GRID2: variants seen among roughly 807,000 people sequenced by gnomAD.
GRID2 encodes the protein glutamate ionotropic receptor delta type subunit 2.
In GRID2, 33 loss-of-function variants were observed where a neutral mutation model predicts 114.8. That is an observed-to-expected ratio of 0.29 (90% CI 0.22 to 0.38). The LOEUF is 0.38. Ranked by LOEUF, GRID2 falls within the 10% of genes least tolerant of loss-of-function variation. The pLI is 1.00. For synonymous variants in GRID2, 505 were observed against 449.9 expected, an observed-to-expected ratio of 1.12 and a Z score of -1.55; for missense variants, 1,184 against 1,257.7, an observed-to-expected ratio of 0.94 and a Z score of 0.89.
chr4:93,453,546 C>A (rs1375805527), intron 10 of GRID2, among the ~76,000 whole-genome samples: 3 of 151,988 alleles, frequency 2.0e-5, no homozygotes, highest in Non-Finnish European at 1.5e-5. Flanking sequence ...TACAAATAAT[C>A]AGCTCCCTTT....
chr4:92,949,934 C>T (rs1418324769), intron 2 of GRID2, among the ~76,000 whole-genome samples: 1 of 152,072 alleles, frequency 6.6e-6, no homozygotes, highest in Non-Finnish European at 1.5e-5. Context: ...TTGGCCATCT[C>T]CTCTCAGCTA....
chr4:93,524,288 A>G (rs1210503865), intron 13 of GRID2, among the ~76,000 whole-genome samples: 1 of 152,070 alleles, frequency 6.6e-6, no homozygotes, highest in Non-Finnish European at 1.5e-5. Flanking sequence ...CCTTTTGCCA[A>G]ATGATTCCAA....
chr4:92,797,359 T>C (rs1159869774), intron 2 of GRID2, among the ~76,000 whole-genome samples: 1 of 152,012 alleles, frequency 6.6e-6, no homozygotes, highest in Non-Finnish European at 1.5e-5. Flanking sequence ...AGACTTGAGC[T>C]CATTGCAATA....
At chr4:93,005,019 G>T (rs945274319) in intron 2 of GRID2, among the ~76,000 whole-genome samples, 2 of 151,818 alleles carry the variant, frequency 1.3e-5, no homozygotes, top group Admixed American at 6.6e-5. Context: ...AGCCTTTAGG[G>T]CACTCACTGC....
In GRID2 at chr4:92,660,696, C is replaced by T. The variant is rs72882165; in HGVS notation, c.244+70410C>T. Reference sequence around the variant, plus strand: ...ATTTTTTTCTTCAACTTTATATCACCTCATACTTATATATAAATACATTCA... The same window carrying T: ...ATTTTTTTCTTCAACTTTATATCACTTCATACTTATATATAAATACATTCA... On this transcript the variant is annotated intron_variant, in intron 2 of 15. Transcript: ENST00000282020. Among the ~76,000 whole-genome samples the T allele has an allele frequency of 7.7e-3, 1,159 of 151,214 alleles. 16 individuals are homozygous for T. The highest frequency in any genetic ancestry group is 0.026 in the African/African-American group (1,090 of 41,438).
intron 9 of GRID2, among the ~76,000 whole-genome samples, chr4:93,411,703 A>G (rs1426269414): frequency 6.6e-6 from 1 of 152,086 alleles, no homozygotes; most frequent in Non-Finnish European, 1.5e-5. Flanking sequence ...AAGTGCTGGG[A>G]TTACAGGCAT....
At chr4:93,028,869 A>T (rs1032498509) in intron 2 of GRID2, among the ~76,000 whole-genome samples, 1 of 152,116 alleles carries the variant, frequency 6.6e-6, no homozygotes, top group Non-Finnish European at 1.5e-5. Context: ...TACTTTAAAA[A>T]GTGTGACTTA....
chr4:93,616,826 A>G (rs1259663141), intron 13 of GRID2, among the ~76,000 whole-genome samples: 2 of 151,462 alleles, frequency 1.3e-5, no homozygotes, highest in Non-Finnish European at 2.9e-5. Flanking sequence ...CCCCATCTCT[A>G]CTAAACAAAA....
intron 8 of GRID2, among the ~76,000 whole-genome samples, chr4:93,300,785 G>A (rs986371965): frequency 4.6e-5 from 7 of 152,118 alleles, no homozygotes; most frequent in Non-Finnish European, 8.8e-5. Context: ...TGCACAATTT[G>A]TGCCCCTTTT....
At chr4:93,677,061 G>A (rs1328317361) in intron 14 of GRID2, among the ~76,000 whole-genome samples, 1 of 152,108 alleles carries the variant, frequency 6.6e-6, no homozygotes, top group Non-Finnish European at 1.5e-5. Context: ...TGGAAAATCG[G>A]GTCACTCCCA....
At chr4:92,950,668 G>T (rs1340337484) in intron 2 of GRID2, among the ~76,000 whole-genome samples, 1 of 152,066 alleles carries the variant, frequency 6.6e-6, no homozygotes, top group African/African-American at 2.4e-5. Flanking sequence ...AATACATTTT[G>T]TCCTCCAAAT....
At chr4:92,316,538 AT>A (rs569296260) in intron 1 of GRID2, among the ~76,000 whole-genome samples, 3 of 152,016 alleles carry the variant, frequency 2.0e-5, no homozygotes, top group Admixed American at 6.6e-5. Flanking sequence ...GTGTCACCAG[AT>A]TTTTTTTACA....
intron 2 of GRID2, among the ~76,000 whole-genome samples, chr4:92,890,945 G>C (rs1746737556): frequency 2.0e-5 from 3 of 152,200 alleles, no homozygotes; most frequent in Admixed American, 2.0e-4. Flanking sequence ...AAAATAGGAT[G>C]AGTTCATGTC....
chr4:92,876,576 A>G (rs978072563), intron 2 of GRID2, among the ~76,000 whole-genome samples: 2 of 152,176 alleles, frequency 1.3e-5, no homozygotes, highest in African/African-American at 2.4e-5. Context: ...AAGTGCTAGG[A>G]TTACAGGCGT....
chr4:93,089,861 A>T (rs1002141965), intron 3 of GRID2, among the ~76,000 whole-genome samples: 2 of 152,104 alleles, frequency 1.3e-5, no homozygotes, highest in Non-Finnish European at 2.9e-5. Context: ...TGACCCTCAT[A>T]GTAATGTCTG....
chr4:93,298,469 G>A (rs571461317), intron 8 of GRID2, among the ~76,000 whole-genome samples: 3 of 152,180 alleles, frequency 2.0e-5, no homozygotes, highest in Admixed American at 2.0e-4. Context: ...CATTCATGAG[G>A]GCTTCACCTA....
chr4:92,916,074 T>G (rs1748767462), intron 2 of GRID2, among the ~76,000 whole-genome samples: 1 of 152,174 alleles, frequency 6.6e-6, no homozygotes, highest in South Asian at 2.1e-4. Flanking sequence ...TTAGTGTAAT[T>G]AGATCCCATT....
chr4:93,413,936 T>C (rs1488799377), intron 9 of GRID2, among the ~76,000 whole-genome samples: 1 of 152,208 alleles, frequency 6.6e-6, no homozygotes, highest in African/African-American at 2.4e-5. Context: ...GACTTTAGTC[T>C]ATTGATTGAA....
intron 9 of GRID2, among the ~76,000 whole-genome samples, chr4:93,397,098 G>T (rs1765403093): frequency 6.6e-6 from 1 of 151,884 alleles, no homozygotes; most frequent in Admixed American, 6.6e-5. Flanking sequence ...TTTGTACATT[G>T]TTTACTACAA....
Sources: allele counts gnomAD v4.1 joint callset (sites outside exome capture counted in the v4.1 genomes callset), GRCh38; gene constraint gnomAD v4.1.1; transcripts MANE v1.5; gene names NCBI Gene and HGNC (gene_info 2026-07-23, HGNC 2026-07-21).